DHX29: variants seen among roughly 807,000 people sequenced by gnomAD.
DHX29 encodes the protein DExH-box helicase 29, also known as ATP-dependent RNA helicase DHX29.
A neutral mutation model predicts 167.9 loss-of-function variants in DHX29; 79 were observed. That is an observed-to-expected ratio of 0.47 (90% CI 0.39 to 0.57). DHX29 has a LOEUF of 0.57. Ranked by LOEUF, DHX29 falls within the 20% of genes least tolerant of loss-of-function variation. The pLI, the probability that DHX29 is intolerant of heterozygous loss-of-function variation, is 0.00. For missense variants in DHX29, 1,347 were observed against 1,593.4 expected (o/e 0.85, Z 2.63); for synonymous variants, 530 against 546.0 (o/e 0.97, Z 0.41).
At position 55,285,719 on chromosome 5, in the gene DHX29, T is replaced by A. The variant is rs199836259; in HGVS notation, c.1209A>T (p.Pro403=). 23 of 1,583,306 alleles carry A rather than the reference T, an allele frequency of 1.5e-5. No individual in the cohort carries two copies. The highest frequency in any genetic ancestry group is 2.0e-5 in the Non-Finnish European group (23 of 1,161,054). ...KSPNPSFEKV[P]VGRYWKCRVR... ...ACCTACATTTCCAGTATCTACCTAC[T>A]GGAACTTTTTCAAAGGAAGGATTTG... Residue 403 remains proline, a synonymous_variant, in exon 9 of 27, where the codon CCA becomes CCT. Coordinates refer to ENST00000251636, the MANE Select transcript of DHX29 (RefSeq NM_019030.4).
At chr5:55,273,528 T>TA in intron 16 of DHX29, 151 bp from the exon 17 acceptor site, 6 of 961,550 alleles carry the variant, frequency 6.2e-6, no homozygotes, top group Non-Finnish European at 8.3e-6. Context: ...AATTGTACAA[T>TA]GAAACCTCAT....
intron 26 of DHX29, among the ~76,000 whole-genome samples, chr5:55,258,751 C>G (rs577657442): frequency 7.2e-5 from 11 of 151,990 alleles, no homozygotes; most frequent in African/African-American, 2.7e-4. Flanking sequence ...TGGCATCTCC[C>G]TATGTTACCG....
intron 5 of DHX29, among the ~76,000 whole-genome samples, chr5:55,294,567 C>T (rs1405864576): frequency 6.6e-6 from 1 of 152,146 alleles, no homozygotes; most frequent in South Asian, 2.1e-4. Context: ...CCCAGCTACT[C>T]GGGAGGCTGA....
At chr5:55,264,528 A>G (rs766720436) in intron 23 of DHX29, among the ~76,000 whole-genome samples, 1 of 152,220 alleles carries the variant, frequency 6.6e-6, no homozygotes, top group Non-Finnish European at 1.5e-5. Flanking sequence ...CCAAGCCTGG[A>G]GCATAAAATA....
rs561256161 is a variant in DHX29 at position 55,269,215 on chromosome 5, G to T, written c.3294+198C>A. Among the ~76,000 whole-genome samples the T allele has an allele frequency of 5.7e-5, 8 of 139,732 alleles. No individual in the cohort carries two copies. In the South Asian group the frequency reaches 1.8e-3, roughly 31 times the overall value. The allele number at this position is 139,732 out of a possible 152,430, so 91.7% of individuals were successfully genotyped here. A position where few individuals can be genotyped will look rare whatever the true frequency, so the allele number is the denominator to read the frequency against. On this transcript the variant is annotated intron_variant, in intron 21 of 26. Coordinates refer to ENST00000251636, the MANE Select transcript of DHX29 (RefSeq NM_019030.4). The stretch of plus-strand genomic sequence containing the variant: ...GCCTAGATTGCACCATTGCTCCCCA[G>T]CCTGGGCAACAGTGCCAGACCCTGT...
intron 17 of DHX29, among the ~76,000 whole-genome samples, chr5:55,272,410 TC>T (rs1746896833): frequency 6.6e-6 from 1 of 152,136 alleles, no homozygotes; most frequent in Non-Finnish European, 1.5e-5. Flanking sequence ...AAAATACCAC[TC>T]CCCTAATTCT....
chr5:55,269,421 C>A lies in DHX29; in HGVS notation c.3286G>T (p.Asp1096Tyr). Residue 1096 changes from aspartate to tyrosine, a missense_variant, in exon 21 of 27, where the codon GAC (aspartate) becomes TAC (tyrosine). By Grantham distance (160) the Asp-to-Tyr change is radical (BLOSUM62 -3). Coordinates refer to ENST00000251636, the MANE Select transcript of DHX29 (RefSeq NM_019030.4). Reference sequence around the variant, plus strand: ...AGCATTGTTTGACTTACCACTGGGTCAAGGCAGCCAAATATGGCACCAAAA... The same window carrying A: ...AGCATTGTTTGACTTACCACTGGGTAAAGGCAGCCAAATATGGCACCAAAA... ...LIFGAIFGCL[D>Y]PVATLAAVMT... 1 of 1,612,476 alleles carries A rather than the reference C, an allele frequency of 6.2e-7. No homozygotes were observed. Among genetic ancestry groups the A allele is most frequent in the South Asian group, 1.1e-5 (1 of 90,966 alleles).
At chr5:55,283,974 G>T in intron 10 of DHX29, 163 bp from the exon 11 acceptor site, 1 of 527,368 alleles carries the variant, frequency 1.9e-6, no homozygotes. Flanking sequence ...CAATTGATTA[G>T]CACTTGATAG....
chr5:55,294,209 C>A, intron 5 of DHX29, 64 bp from the exon 6 acceptor site: 2 of 1,454,590 alleles, frequency 1.4e-6, no homozygotes, highest in South Asian at 2.6e-5. Context: ...ACTATCTTGT[C>A]ACTGCTTTTA....
chr5:55,283,753 G>C lies in DHX29; in HGVS notation c.1415C>G (p.Ala472Gly). Residue 472 changes from alanine (A) to glycine (G), a missense_variant, in exon 11 of 27, where the codon GCA becomes GGA. By Grantham distance (60) the Ala-to-Gly change is moderately conservative (BLOSUM62 0). Around this residue, in one of 3 missense-constraint regions of DHX29, gnomAD observed 882 missense variants for 1,082.4 expected, o/e 0.81. Transcript: ENST00000251636. ...ATTTAATTCTTCCCTTTTCTTTTCT[G>C]CATCACTCCACTCCAGCCAAACATC... ...YRDVWLEWSD[A>G]EKKREELNKM... The C allele has an allele frequency of 1.2e-6, 2 of 1,612,898 alleles. No homozygotes were observed. The highest frequency in any genetic ancestry group is 1.7e-6 in the Non-Finnish European group (2 of 1,179,700).
chr5:55,283,164 C>A, intron 11 of DHX29, 39 bp downstream of exon 11: 1 of 1,541,272 alleles, frequency 6.5e-7, no homozygotes, highest in South Asian at 1.3e-5. Context: ...TGAGTAATGT[C>A]ACCATCATTC....
intron 1 of DHX29, among the ~76,000 whole-genome samples, chr5:55,302,464 C>A (rs1208321473): frequency 6.6e-6 from 1 of 151,740 alleles, no homozygotes; most frequent in Non-Finnish European, 1.5e-5. Flanking sequence ...ACAAAAAATA[C>A]AAAATATTAG....
intron 12 of DHX29, 67 bp from the exon 13 acceptor site, chr5:55,277,349 A>T: frequency 1.9e-6 from 2 of 1,035,946 alleles, no homozygotes; most frequent in Non-Finnish European, 2.8e-6. Context: ...AGGCTTGAAC[A>T]ATCAGACACC....
At position 55,262,658 on chromosome 5, in the gene DHX29, G is replaced by A. The variant is rs768146542; in HGVS notation, c.3800C>T (p.Thr1267Ile). Residue 1267 changes from threonine (T) to isoleucine (I), a missense_variant, in exon 24 of 27, where the codon ACT (threonine) becomes ATT (isoleucine). Coordinates refer to ENST00000251636, the MANE Select transcript of DHX29 (RefSeq NM_019030.4). ...CTCCTGGTATAAGAGCCATCCATGA[G>A]TTTGCAAATCTCGATTTACTGAGGA... ...HPSSVNRDLQ[T>I]HGWLLYQEKI... 4.3e-6 allele frequency: 7 copies of A among 1,614,068 alleles called. No individual in the cohort carries two copies. Among genetic ancestry groups the A allele is most frequent in the Non-Finnish European group, 5.1e-6 (6 of 1,179,962 alleles).
intron 1 of DHX29, 125 bp downstream of exon 1, chr5:55,307,262 G>C (rs1303382081): frequency 1.3e-6 from 1 of 797,294 alleles, no homozygotes; most frequent in Non-Finnish European, 1.9e-6. Flanking sequence ...TGGGGAGGTA[G>C]CAGCTCGAGT....
intron 14 of DHX29, among the ~76,000 whole-genome samples, chr5:55,275,291 C>T (rs1426899401): frequency 6.6e-6 from 1 of 152,120 alleles, no homozygotes; most frequent in Non-Finnish European, 1.5e-5. Context: ...GAAAAACATA[C>T]TGTAATCATG....
intron 21 of DHX29, among the ~76,000 whole-genome samples, chr5:55,268,373 A>G (rs1476516138): frequency 6.6e-6 from 1 of 152,228 alleles, no homozygotes; most frequent in Non-Finnish European, 1.5e-5. Context: ...CAAATACCAA[A>G]CAAAGAGAGA....
chr5:55,258,282 T>C (rs1489347140), intron 26 of DHX29, among the ~76,000 whole-genome samples: 1 of 152,204 alleles, frequency 6.6e-6, no homozygotes, highest in East Asian at 1.9e-4. Flanking sequence ...TACCAGTTTA[T>C]AGGAAATACA....
Position 55,270,641 on chromosome 5 carries a change from T to C in DHX29, c.2930A>G (p.Gln977Arg). 6.2e-7 allele frequency: 1 copy of C among 1,614,200 alleles called. No individual in the cohort carries two copies. Among genetic ancestry groups the C allele is most frequent in the Non-Finnish European group, 8.5e-7 (1 of 1,180,000 alleles). The change falls in exon 19 of 27, where the codon CAG becomes CGG. Residue 977 changes from glutamine to arginine, a missense_variant. Gln to Arg is a conservative substitution (Grantham distance 43). Coordinates refer to ENST00000251636, the MANE Select transcript of DHX29 (RefSeq NM_019030.4). The part of the protein sequence containing the change: ...ETFVSKASAL[Q>R]RQGRAGRVRD... The stretch of plus-strand genomic sequence containing the variant: ...GACCCGCCCAGCTCTTCCCTGGCGC[T>C]GCAAAGCACTGGCTTTACTGACAAA...
Sources: allele counts gnomAD v4.1 joint callset (sites outside exome capture counted in the v4.1 genomes callset), GRCh38; gene constraint gnomAD v4.1.1; regional missense constraint gnomAD v4.1.1; transcripts MANE v1.5; gene names NCBI Gene and HGNC (gene_info 2026-07-23, HGNC 2026-07-21).